Variants in MAPK10 observed in about 807,000 individuals in gnomAD.
MAPK10 encodes the protein mitogen-activated protein kinase 10, also known as JNK3 alpha protein kinase.
A neutral mutation model predicts 59.3 loss-of-function variants in MAPK10; 25 were observed. The observed-to-expected ratio is 0.42, with a 90% CI of 0.31 to 0.59. MAPK10 has a LOEUF of 0.59. Ranked by LOEUF, MAPK10 falls within the 20% of genes least tolerant of loss-of-function variation. The probability of loss-of-function intolerance (pLI) is 0.15; values close to 1 mark genes in which losing one functional copy is unlikely to be tolerated. For synonymous variants in MAPK10, 190 were observed against 200.5 expected, an observed-to-expected ratio of 0.95 and a Z score of 0.44; for missense variants, 351 against 568.9, an observed-to-expected ratio of 0.62 and a Z score of 3.90.
chr4:86,571,896 C>T (rs1250746342), intron 1 of MAPK10, among the ~76,000 whole-genome samples: 1 of 151,714 alleles, frequency 6.6e-6, no homozygotes, highest in African/African-American at 2.4e-5. Context: ...TTTTTCCTTT[C>T]TTCCTTGGTC....
At chr4:86,183,384 G>A (rs1435920185) in intron 3 of MAPK10, among the ~76,000 whole-genome samples, 1 of 147,986 alleles carries the variant, frequency 6.8e-6, no homozygotes, top group African/African-American at 2.5e-5. Context: ...GTGAGAACAT[G>A]CAGTGTTTGG....
intron 1 of MAPK10, among the ~76,000 whole-genome samples, chr4:86,385,039 G>A (rs889860793): frequency 6.6e-6 from 1 of 151,810 alleles, no homozygotes; most frequent in South Asian, 2.1e-4. Context: ...AATGCTCTTG[G>A]GCATAGCATT....
chr4:86,117,067 C>A (rs1269928023), intron 4 of MAPK10, among the ~76,000 whole-genome samples: 1 of 152,202 alleles, frequency 6.6e-6, no homozygotes. Context: ...TATCCCATGA[C>A]ATCATAAAAT....
intron 1 of MAPK10, among the ~76,000 whole-genome samples, chr4:86,421,067 G>C (rs1427082713): frequency 6.6e-6 from 1 of 151,850 alleles, no homozygotes; most frequent in East Asian, 1.9e-4. Context: ...GGGTGACATA[G>C]TGAGACTCCA....
At chr4:86,431,867 G>A (rs890050559) in intron 1 of MAPK10, among the ~76,000 whole-genome samples, 2 of 152,180 alleles carry the variant, frequency 1.3e-5, no homozygotes, top group African/African-American at 4.8e-5. Context: ...CATGATCCGA[G>A]GGTGGAGTTT....
intron 2 of MAPK10, among the ~76,000 whole-genome samples, chr4:86,276,801 C>T (rs1250147715): frequency 6.6e-6 from 1 of 152,000 alleles, no homozygotes; most frequent in Non-Finnish European, 1.5e-5. Context: ...TCATTATCAC[C>T]AATTTAGAAA....
intron 1 of MAPK10, among the ~76,000 whole-genome samples, chr4:86,563,844 T>A (rs1298098480): frequency 1.3e-5 from 2 of 152,154 alleles, no homozygotes; most frequent in African/African-American, 2.4e-5. Context: ...AATTATTATT[T>A]TTTTTGAGAC....
At chr4:86,464,304 G>A (rs891430172) in intron 1 of MAPK10, among the ~76,000 whole-genome samples, 1 of 152,212 alleles carries the variant, frequency 6.6e-6, no homozygotes, top group Admixed American at 6.5e-5. Flanking sequence ...TAATGGTAAA[G>A]CTTCTTATTC....
At chr4:86,169,895 GT>G (rs2073461836) in intron 3 of MAPK10, among the ~76,000 whole-genome samples, 1 of 151,916 alleles carries the variant, frequency 6.6e-6, no homozygotes, top group South Asian at 2.1e-4. Context: ...CCAGAAGAGA[GT>G]GGGGGCCAAT....
chr4:86,174,953 C>T (rs542233989), intron 3 of MAPK10, among the ~76,000 whole-genome samples: 1 of 151,950 alleles, frequency 6.6e-6, no homozygotes, highest in African/African-American at 2.4e-5. Context: ...AAGTTATGGG[C>T]CTCATTATCA....
intron 1 of MAPK10, among the ~76,000 whole-genome samples, chr4:86,481,294 A>C (rs545395617): frequency 1.6e-4 from 24 of 152,188 alleles, no homozygotes; most frequent in African/African-American, 5.8e-4. Context: ...AATCAGAGAG[A>C]CCTTGCTTCA....
chr4:86,436,574 G>A (rs985081199), intron 1 of MAPK10, among the ~76,000 whole-genome samples: 1 of 152,000 alleles, frequency 6.6e-6, no homozygotes, highest in African/African-American at 2.4e-5. Flanking sequence ...TTGCTGATGT[G>A]TAGAAATAAA....
At chr4:86,536,361 T>G (rs1758246221) in intron 1 of MAPK10, among the ~76,000 whole-genome samples, 1 of 152,222 alleles carries the variant, frequency 6.6e-6, no homozygotes. Context: ...TTTTTCTAGA[T>G]GAAAACAGAT....
intron 1 of MAPK10, among the ~76,000 whole-genome samples, chr4:86,482,490 G>T (rs1357103984): frequency 2.6e-5 from 4 of 152,044 alleles, no homozygotes; most frequent in African/African-American, 9.7e-5. Flanking sequence ...GGATGGTGGG[G>T]GGATGCAGAG....
intron 1 of MAPK10, among the ~76,000 whole-genome samples, chr4:86,447,027 T>C (rs187373049): frequency 2.0e-3 from 297 of 152,304 alleles, no homozygotes; most frequent in Non-Finnish European, 2.9e-3. Context: ...TGTTAAACGT[T>C]TGTAACATAA....
intron 4 of MAPK10, among the ~76,000 whole-genome samples, chr4:86,139,326 A>C (rs976032056): frequency 7.9e-5 from 12 of 151,150 alleles, no homozygotes; most frequent in African/African-American, 3.0e-4. Flanking sequence ...TACTGGTACC[A>C]AAACAGAGAT....
intron 1 of MAPK10, among the ~76,000 whole-genome samples, chr4:86,443,572 C>T (rs1749670127): frequency 6.6e-6 from 1 of 152,050 alleles, no homozygotes; most frequent in Non-Finnish European, 1.5e-5. Context: ...AAAGACGAGA[C>T]CTAATCACAG....
intron 1 of MAPK10, among the ~76,000 whole-genome samples, chr4:86,442,020 C>T (rs1452347268): frequency 1.3e-5 from 2 of 152,116 alleles, no homozygotes; most frequent in African/African-American, 4.8e-5. Flanking sequence ...TGGGAAATCC[C>T]GATGGAAACT....
At chr4:86,035,315 G>T (rs2039998487) in intron 11 of MAPK10, among the ~76,000 whole-genome samples, 1 of 139,446 alleles carries the variant, frequency 7.2e-6, no homozygotes. Flanking sequence ...AGGTTGCAGT[G>T]AGCCCAGATT....
Sources: allele counts gnomAD v4.1 joint callset (sites outside exome capture counted in the v4.1 genomes callset), GRCh38; gene constraint gnomAD v4.1.1; transcripts MANE v1.5; gene names NCBI Gene and HGNC (gene_info 2026-07-23, HGNC 2026-07-21).